The following GCA variants were observed in gnomAD, a reference collection of about 807,000 sequenced individuals.
The protein encoded by GCA is grancalcin, EF-hand calcium-binding protein.
A neutral mutation model predicts 32.6 loss-of-function variants in GCA; 30 were observed. That is an observed-to-expected ratio of 0.92 (90% confidence interval 0.69 to 1.25). The LOEUF (loss-of-function observed/expected upper bound fraction) is 1.25. GCA is among the 50% of genes most tolerant of loss of function. The probability of loss-of-function intolerance (pLI) is 0.00; values close to 1 mark genes in which losing one functional copy is unlikely to be tolerated. For missense variants in GCA, 291 were observed against 266.8 expected, an observed-to-expected ratio of 1.09 and a Z score of -0.63; for synonymous variants, 102 against 84.6, an observed-to-expected ratio of 1.21 and a Z score of -1.13.
At chr2:162,343,999 T>A (rs776839098), upstream of GCA, 55 of 566,696 alleles carry the variant, frequency 9.7e-5, no homozygotes, top group Non-Finnish European at 1.5e-4. Flanking sequence ...CAGAGATGGG[T>A]GGGGCTAGGC....
chr2:162,323,350 T>C (rs1425557923), intron 1 of GCA, among the ~76,000 whole-genome samples: 2 of 151,892 alleles, frequency 1.3e-5, no homozygotes, highest in Non-Finnish European at 2.9e-5. Flanking sequence ...TTCTCCCATT[T>C]TGTAGGTTGC....
At chr2:162,332,324 T>C (rs372881260) in intron 1 of GCA, among the ~76,000 whole-genome samples, 2 of 132,170 alleles carry the variant, frequency 1.5e-5, no homozygotes, top group African/African-American at 5.7e-5. Flanking sequence ...AAAAAAAAAA[T>C]ATATATATAT....
chr2:162,328,768 G>A (rs1242124958), intron 1 of GCA, among the ~76,000 whole-genome samples: 3 of 152,206 alleles, frequency 2.0e-5, no homozygotes, highest in African/African-American at 2.4e-5. Context: ...TGTATCTTGC[G>A]TTCTTGCCTT....
chr2:162,371,297 T>C (rs1685935050), intron 4 of GCA: 1 of 1,277,738 alleles, frequency 7.8e-7, no homozygotes, highest in African/African-American at 1.5e-5. Context: ...TTTGTATTTT[T>C]TCTTCCAGTG....
intron 3 of GCA, among the ~76,000 whole-genome samples, chr2:162,355,995 C>T (rs1462919000): frequency 2.0e-5 from 3 of 151,840 alleles, no homozygotes; most frequent in African/African-American, 4.8e-5. Flanking sequence ...ATGATTTGGC[C>T]CTCATTTGCC....
chr2:162,370,305 G>A (rs1040985130), intron 4 of GCA, among the ~76,000 whole-genome samples: 3 of 152,000 alleles, frequency 2.0e-5, no homozygotes, highest in African/African-American at 7.2e-5. Context: ...CAATATTTTT[G>A]TTCAGCAAGA....
chr2:162,321,989 C>A (rs1683690847), intron 1 of GCA, among the ~76,000 whole-genome samples: 1 of 139,916 alleles, frequency 7.1e-6, no homozygotes, highest in African/African-American at 2.7e-5. Context: ...AGACTTTAAG[C>A]AAGACTTTCA....
chr2:162,371,650 A>G, downstream of GCA: 1 of 779,800 alleles, frequency 1.3e-6, no homozygotes, highest in Non-Finnish European at 1.9e-6. Context: ...TCTTATGTAT[A>G]TTTACATCCT....
rs774603485 is a variant in GCA, at chr2:162,361,797, C to T, written c.*1554C>T. On this transcript the variant is annotated 3_prime_UTR_variant, in exon 8 of 8. Coordinates refer to ENST00000437150, the MANE Select transcript of GCA (RefSeq NM_012198.5). The stretch of plus-strand genomic sequence containing the variant: ...GCTGGGAAATTAAAGAAACAGAATT[C>T]TAATTAGAAGTGTTGTAGGAAAAAG... 7.8e-4 allele frequency: 771 copies of T among 984,018 alleles called. No homozygotes were observed. The highest frequency in any genetic ancestry group is 9.1e-4 in the Non-Finnish European group (752 of 829,026). The allele number at this position is 984,018 out of a possible 1,614,324, so 61.0% of individuals were successfully genotyped here.
intron 1 of GCA, among the ~76,000 whole-genome samples, chr2:162,327,027 T>C (rs1258147225): frequency 6.6e-6 from 1 of 152,190 alleles, no homozygotes; most frequent in Non-Finnish European, 1.5e-5. Context: ...CTCCTTGCTA[T>C]TGGCAAACTT....
chr2:162,360,541 T>C lies in GCA; in HGVS notation c.*298T>C. ...GCCTTAATTTTAGATAATGTAAATTTAGAGGAATGTACTTTACAAGATAGA... is the reference window on the plus strand; with the variant it reads ...GCCTTAATTTTAGATAATGTAAATTCAGAGGAATGTACTTTACAAGATAGA... On this transcript the variant is annotated 3_prime_UTR_variant, in exon 8 of 8. Transcript: ENST00000437150. 2 of 1,053,022 alleles carry C rather than the reference T, an allele frequency of 1.9e-6. No homozygotes were observed. The highest frequency in any genetic ancestry group is 1.2e-6 in the Non-Finnish European group (1 of 815,332). 65.2% of individuals were successfully genotyped at this position (1,053,022 alleles called of 1,614,324 possible).
chr2:162,322,238 C>T (rs1683697849), intron 1 of GCA, among the ~76,000 whole-genome samples: 2 of 151,198 alleles, frequency 1.3e-5, no homozygotes, highest in Non-Finnish European at 2.9e-5. Context: ...AAATGAAAGT[C>T]ACGTATCAAT....
chr2:162,320,885 CATA>C (rs753738258), intron 1 of GCA, among the ~76,000 whole-genome samples: 19 of 152,258 alleles, frequency 1.2e-4, no homozygotes, highest in Admixed American at 6.5e-4. Flanking sequence ...AGTAAATCTA[CATA>C]ATAATGTATA....
chr2:162,335,478 C>T (rs1292732465), intron 1 of GCA, among the ~76,000 whole-genome samples: 3 of 148,602 alleles, frequency 2.0e-5, no homozygotes, highest in Admixed American at 6.7e-5. Context: ...CTATTTGTAA[C>T]AGTGAGTTAA....
intron 5 of GCA, among the ~76,000 whole-genome samples, chr2:162,357,520 T>C (rs1340364510): frequency 1.3e-5 from 2 of 151,842 alleles, no homozygotes; most frequent in Non-Finnish European, 3.0e-5. Context: ...ATGCTTGTGA[T>C]TTACACTCTT....
At chr2:162,327,003 C>T (rs544035935) in intron 1 of GCA, among the ~76,000 whole-genome samples, 1 of 152,288 alleles carries the variant, frequency 6.6e-6, no homozygotes, top group East Asian at 1.9e-4. Context: ...CTGCCCTCAC[C>T]TATGCCTCCC....
downstream of GCA, among the ~76,000 whole-genome samples, chr2:162,366,274 C>A (rs1475483115): frequency 6.6e-6 from 1 of 151,732 alleles, no homozygotes; most frequent in Admixed American, 6.6e-5. Flanking sequence ...TTTAATCTTG[C>A]TATTCTCATT....
chr2:162,325,696 A>G (rs1271742856), intron 1 of GCA, among the ~76,000 whole-genome samples: 1 of 152,170 alleles, frequency 6.6e-6, no homozygotes, highest in Non-Finnish European at 1.5e-5. Context: ...TATATGTGAT[A>G]CAAAACTCAT....
intron 1 of GCA, among the ~76,000 whole-genome samples, chr2:162,335,888 A>G (rs1684254878): frequency 6.6e-6 from 1 of 152,188 alleles, no homozygotes; most frequent in Non-Finnish European, 1.5e-5. Flanking sequence ...GAACCAATTA[A>G]CCTAGTCTCT....
Sources: gnomAD v4.1 joint callset for allele counts (sites outside exome capture counted in the v4.1 genomes callset) on GRCh38, gnomAD v4.1.1 for gene constraint, MANE v1.5 for transcripts, NCBI Gene and HGNC (gene_info 2026-07-23, HGNC 2026-07-21) for gene names.